SUGCT: variants seen among roughly 807,000 people sequenced by gnomAD.
The protein encoded by SUGCT is succinyl-CoA:glutarate CoA-transferase.
SUGCT carries 41 observed loss-of-function variants against 55.0 expected under a neutral mutation model. The observed-to-expected ratio is 0.74, with a 90% CI of 0.58 to 0.97. The LOEUF is 0.97. Among genes scored for constraint, SUGCT ranks in the 50% least tolerant of loss-of-function variants. The pLI, the probability that SUGCT is intolerant of heterozygous loss-of-function variation, is 0.00. For synonymous variants in SUGCT, 187 were observed against 200.4 expected (o/e 0.93, Z 0.56); for missense variants, 568 against 547.8 (o/e 1.04, Z -0.37).
intron 9 of SUGCT, among the ~76,000 whole-genome samples, chr7:40,379,075 T>G (rs889038282): frequency 6.6e-6 from 1 of 152,036 alleles, no homozygotes. Context: ...GACACAGAGG[T>G]AAGGAGAAGG....
At chr7:40,345,195 G>T (rs1650851582) in intron 9 of SUGCT, among the ~76,000 whole-genome samples, 1 of 152,182 alleles carries the variant, frequency 6.6e-6, no homozygotes, top group Non-Finnish European at 1.5e-5. Flanking sequence ...AAAGGGAAAA[G>T]GGAAAGAGTG....
chr7:41,020,915 A>G, the SUGCT span, among the ~76,000 whole-genome samples: 1 of 152,254 alleles, frequency 6.6e-6, no homozygotes. Context: ...TGGTTGTGGG[A>G]TAATTCACAT....
At chr7:40,696,440 C>T (rs546132517) in intron 12 of SUGCT, among the ~76,000 whole-genome samples, 1 of 152,196 alleles carries the variant, frequency 6.6e-6, no homozygotes, top group African/African-American at 2.4e-5. Flanking sequence ...ATGCCAGTCT[C>T]CAAGGGATAA....
intron 9 of SUGCT, among the ~76,000 whole-genome samples, chr7:40,435,438 T>G (rs1788118564): frequency 6.6e-6 from 1 of 152,190 alleles, no homozygotes; most frequent in Non-Finnish European, 1.5e-5. Context: ...CTTACAGTTT[T>G]GCCACCAAGG....
chr7:40,172,686 G>A (rs1195140711), intron 1 of SUGCT, among the ~76,000 whole-genome samples: 2 of 152,114 alleles, frequency 1.3e-5, no homozygotes, highest in Non-Finnish European at 1.5e-5. Context: ...GATCTCGACC[G>A]GCCAATGCTG....
At chr7:40,770,104 C>T (rs1422397278) in intron 13 of SUGCT, among the ~76,000 whole-genome samples, 1 of 152,126 alleles carries the variant, frequency 6.6e-6, no homozygotes, top group Admixed American at 6.5e-5. Context: ...CTCCCTGAAC[C>T]CCTGTCATGC....
chr7:41,026,018 C>T, the SUGCT span, among the ~76,000 whole-genome samples: 16 of 152,190 alleles, frequency 1.1e-4, no homozygotes, highest in African/African-American at 3.1e-4. Flanking sequence ...ACAACATTCA[C>T]ATCGGGATTT....
At chr7:40,753,594 C>T (rs1477222913) in intron 13 of SUGCT, among the ~76,000 whole-genome samples, 1 of 152,134 alleles carries the variant, frequency 6.6e-6, no homozygotes, top group Non-Finnish European at 1.5e-5. Context: ...GCAACCAGTA[C>T]TGAATTTTCT....
chr7:40,901,786 G>C, the SUGCT span, among the ~76,000 whole-genome samples: 1 of 152,188 alleles, frequency 6.6e-6, no homozygotes, highest in Non-Finnish European at 1.5e-5. Context: ...GTCTTAAAAA[G>C]TTTTAAAATA....
At chr7:40,582,806 C>G (rs1284617529) in intron 12 of SUGCT, among the ~76,000 whole-genome samples, 2 of 152,120 alleles carry the variant, frequency 1.3e-5, no homozygotes, top group Admixed American at 1.3e-4. Flanking sequence ...ATGGCCGTCA[C>G]AGAGCACATA....
intron 9 of SUGCT, among the ~76,000 whole-genome samples, chr7:40,422,245 C>T (rs920516034): frequency 1.3e-5 from 2 of 151,908 alleles, no homozygotes; most frequent in Admixed American, 6.6e-5. Flanking sequence ...AGTATTTTGT[C>T]AGTATTTAGA....
At chr7:40,867,856 T>C in the SUGCT span, among the ~76,000 whole-genome samples, 16 of 152,352 alleles carry the variant, frequency 1.1e-4, no homozygotes, top group South Asian at 3.1e-3. Flanking sequence ...CATTGAGCTA[T>C]CATTACCTGG....
chr7:40,811,705 G>C (rs139549528), intron 13 of SUGCT, among the ~76,000 whole-genome samples: 1 of 151,922 alleles, frequency 6.6e-6, no homozygotes, highest in Non-Finnish European at 1.5e-5. Flanking sequence ...GAATCATACC[G>C]TCCTTAAAGA....
chr7:40,783,853 TC>T lies in SUGCT; in HGVS notation c.1153+34358del, dbSNP rs1017980924. On this transcript the variant is annotated intron_variant, in intron 13 of 13. Coordinates refer to ENST00000335693, the MANE Select transcript of SUGCT (RefSeq NM_001193313.2). ...GACCTGAATTACTATGGTTTACTCT[TC>T]CAGTAGGTTGCAGGCCTTGATGAAA... 3.3e-4 allele frequency among the ~76,000 whole-genome samples: 50 copies of T among 152,302 alleles called. 1 individual carries two copies. The highest frequency in any genetic ancestry group is 9.1e-4 in the African/African-American group (38 of 41,580).
chr7:40,377,209 T>TC (rs1784630515), intron 9 of SUGCT, among the ~76,000 whole-genome samples: 10 of 9,352 alleles, frequency 1.1e-3, no homozygotes, highest in Non-Finnish European at 1.3e-3. Context: ...TTTTCTTTTC[T>TC]TTTCTTTCTT....
intron 11 of SUGCT, among the ~76,000 whole-genome samples, chr7:40,471,217 A>AT (rs1790386862): frequency 1.3e-5 from 2 of 152,290 alleles, no homozygotes; most frequent in Admixed American, 1.3e-4. Context: ...ATTGTATATA[A>AT]TTTAACATTC....
chr7:40,241,751 C>T (rs949661017), intron 7 of SUGCT, among the ~76,000 whole-genome samples: 7 of 151,790 alleles, frequency 4.6e-5, no homozygotes, highest in African/African-American at 1.7e-4. Context: ...GAAACCCCGT[C>T]TCTACTAAAA....
chr7:40,232,164 C>T (rs1584406457), intron 6 of SUGCT, among the ~76,000 whole-genome samples: 1 of 152,150 alleles, frequency 6.6e-6, no homozygotes, highest in African/African-American at 2.4e-5. Flanking sequence ...AGAGCAGAAA[C>T]AGGTGGCTAA....
intron 9 of SUGCT, among the ~76,000 whole-genome samples, chr7:40,335,095 C>T (rs892973869): frequency 1.3e-5 from 2 of 152,172 alleles, no homozygotes; most frequent in African/African-American, 4.8e-5. Context: ...GGGCTCTGTT[C>T]TGTTCCATTG....
Sources: allele counts gnomAD v4.1 joint callset (sites outside exome capture counted in the v4.1 genomes callset), GRCh38; gene constraint gnomAD v4.1.1; transcripts MANE v1.5; gene names NCBI Gene and HGNC (gene_info 2026-07-23, HGNC 2026-07-21).